MEGF10: variants seen among roughly 807,000 people sequenced by gnomAD.
The protein encoded by MEGF10 is multiple epidermal growth factor-like domains protein 10.
In MEGF10, 86 loss-of-function variants were observed where a neutral mutation model predicts 147.5. The observed-to-expected ratio is 0.58, with a 90% CI of 0.49 to 0.70. MEGF10 has a LOEUF of 0.70. Ranked by LOEUF, MEGF10 falls within the 30% of genes least tolerant of loss-of-function variation. The probability of loss-of-function intolerance (pLI) is 0.00; values close to 1 mark genes in which losing one functional copy is unlikely to be tolerated. For missense variants in MEGF10, 1,329 were observed against 1,487.3 expected (o/e 0.89, Z 1.75); for synonymous variants, 478 against 525.5 (o/e 0.91, Z 1.24).
chr5:127,451,076 G>A (rs1161926331), intron 22 of MEGF10, among the ~76,000 whole-genome samples: 4 of 152,184 alleles, frequency 2.6e-5, no homozygotes, highest in Non-Finnish European at 1.5e-5. Flanking sequence ...TAAATTGGAT[G>A]ATCCTCCTGG....
At chr5:127,448,591 A>G (rs1024894026) in intron 21 of MEGF10, among the ~76,000 whole-genome samples, 7 of 152,348 alleles carry the variant, frequency 4.6e-5, no homozygotes, top group Non-Finnish European at 8.8e-5. Context: ...ATAGATTTTA[A>G]TTATAGTGCT....
At chr5:127,319,239 C>G (rs1327162585) in intron 1 of MEGF10, among the ~76,000 whole-genome samples, 1 of 152,024 alleles carries the variant, frequency 6.6e-6, no homozygotes, top group African/African-American at 2.4e-5. Context: ...CCATGCCTGG[C>G]TAATTTTTGT....
At position 127,371,122 on chromosome 5, in the gene MEGF10, T is replaced by C. The variant is rs553147536; in HGVS notation, c.412+1120T>C. Among the ~76,000 whole-genome samples, 14 of 152,078 alleles carry C rather than the reference T, an allele frequency of 9.2e-5. 2 individuals carry two copies. In the East Asian group the frequency reaches 1.9e-3, roughly 21 times the overall value. The stretch of plus-strand genomic sequence containing the variant: ...AAGCAGCTTCTCCAGGGGAAGCCCT[T>C]GTGCTGTCTGTGCACAGAACACTTG... On this transcript the variant is annotated intron_variant, in intron 5 of 24. Coordinates refer to ENST00000503335, the MANE Select transcript of MEGF10 (RefSeq NM_001256545.2).
intron 5 of MEGF10, among the ~76,000 whole-genome samples, chr5:127,394,719 A>G (rs1763833366): frequency 6.6e-6 from 1 of 152,192 alleles, no homozygotes; most frequent in South Asian, 2.1e-4. Flanking sequence ...TATGAATAAC[A>G]ATTAGGCTTC....
At chr5:127,334,727 C>A (rs1399775071) in intron 2 of MEGF10, among the ~76,000 whole-genome samples, 3 of 152,010 alleles carry the variant, frequency 2.0e-5, no homozygotes. Flanking sequence ...TGAATTTGAG[C>A]TTTTCCATTC....
intron 5 of MEGF10, among the ~76,000 whole-genome samples, chr5:127,395,293 C>A (rs530374269): frequency 6.6e-6 from 1 of 152,082 alleles, no homozygotes; most frequent in Non-Finnish European, 1.5e-5. Flanking sequence ...TGTATTGCAG[C>A]CGCTCTTTCT....
At chr5:127,293,038 T>A (rs558850635) in intron 1 of MEGF10, among the ~76,000 whole-genome samples, 1 of 152,256 alleles carries the variant, frequency 6.6e-6, no homozygotes, top group South Asian at 2.1e-4. Context: ...TTGAACAAAA[T>A]ATTCCCTATG....
chr5:127,352,491 G>A (rs943099516), intron 4 of MEGF10, among the ~76,000 whole-genome samples: 12 of 152,114 alleles, frequency 7.9e-5, no homozygotes, highest in African/African-American at 2.7e-4. Flanking sequence ...GCGAAACCTC[G>A]TCTTTACTAA....
chr5:127,444,200 A>G (rs1765856945), intron 19 of MEGF10, among the ~76,000 whole-genome samples: 1 of 152,242 alleles, frequency 6.6e-6, no homozygotes, highest in African/African-American at 2.4e-5. Context: ...GGCAATAAGC[A>G]GTTGGGCTAT....
In MEGF10 at chr5:127,457,784, G is replaced by C. The variant is rs1766420982; in HGVS notation, c.*466G>C. On this transcript the variant is annotated 3_prime_UTR_variant, in exon 25 of 25. Coordinates refer to ENST00000503335, the MANE Select transcript of MEGF10 (RefSeq NM_001256545.2). ...ACATGTAGAAGACAAGGAACATATTGTTAACTCCTGATTCTTAACTTTATT... is the reference window on the plus strand; with the variant it reads ...ACATGTAGAAGACAAGGAACATATTCTTAACTCCTGATTCTTAACTTTATT... 6.4e-6 allele frequency: 1 copy of C among 155,884 alleles called. No homozygotes were observed. The highest frequency in any genetic ancestry group is 2.4e-5 in the African/African-American group (1 of 41,466). The allele number at this position is 155,884 out of a possible 1,614,324, so 9.7% of individuals were successfully genotyped here.
chr5:127,289,882 A>G (rs1659356839), upstream of MEGF10, among the ~76,000 whole-genome samples: 1 of 151,900 alleles, frequency 6.6e-6, no homozygotes, highest in Admixed American at 6.6e-5. Flanking sequence ...TTGTGGGGAG[A>G]GGGGGATAGA....
intron 1 of MEGF10, among the ~76,000 whole-genome samples, chr5:127,304,838 G>A (rs1391376312): frequency 1.3e-5 from 2 of 152,140 alleles, no homozygotes; most frequent in South Asian, 2.1e-4. Context: ...ATGCCTCGAA[G>A]CTTGTGGAAA....
intron 4 of MEGF10, among the ~76,000 whole-genome samples, chr5:127,343,178 TTAAC>T (rs1357136648): frequency 6.6e-6 from 1 of 152,220 alleles, no homozygotes; most frequent in Non-Finnish European, 1.5e-5. Flanking sequence ...GTCACCTTTC[TTAAC>T]TGTTTCCAGT....
At chr5:127,258,546 A>G in the MEGF10 span, among the ~76,000 whole-genome samples, 1 of 152,174 alleles carries the variant, frequency 6.6e-6, no homozygotes, top group East Asian at 1.9e-4. Context: ...AAATTTATAG[A>G]CATTTCTCTG....
At chr5:127,316,844 G>C (rs1401773497) in intron 1 of MEGF10, among the ~76,000 whole-genome samples, 1 of 152,150 alleles carries the variant, frequency 6.6e-6, no homozygotes, top group East Asian at 1.9e-4. Context: ...GGATGTTTCA[G>C]GGTGTTACAG....
At chr5:127,354,654 A>G (rs1762211059) in intron 4 of MEGF10, among the ~76,000 whole-genome samples, 1 of 152,178 alleles carries the variant, frequency 6.6e-6, no homozygotes. Flanking sequence ...TGGAGATAGC[A>G]ACCGAGGCTC....
chr5:127,329,934 T>C (rs1431025650), intron 1 of MEGF10, among the ~76,000 whole-genome samples: 1 of 152,212 alleles, frequency 6.6e-6, no homozygotes, highest in African/African-American at 2.4e-5. Context: ...GCGCAGGTCC[T>C]AGCATATCGT....
At position 127,303,335 on chromosome 5, in the gene MEGF10, C is replaced by CAAAAAAAAAAAAAA. The variant is rs1174955274; in HGVS notation, c.-19+12286_-19+12299dup. 1.2e-4 allele frequency among the ~76,000 whole-genome samples: 6 copies of CAAAAAAAAAAAAAA among 50,630 alleles called. 1 individual carries two copies. Among genetic ancestry groups the CAAAAAAAAAAAAAA allele is most frequent in the Non-Finnish European group, 1.9e-4 (4 of 21,216 alleles). 33.2% of individuals were successfully genotyped at this position (50,630 alleles called of 152,430 possible). A position where few individuals can be genotyped will look rare whatever the true frequency, so the allele number is the denominator to read the frequency against. On this transcript the variant is annotated intron_variant, in intron 1 of 24. Transcript: ENST00000503335. ...TGGACAACAGATCGAGACTCCATGT[C>CAAAAAAAAAAAAAA]AAAAAAAAAAAAAAAAAAAAGCAAT...
chr5:127,309,826 C>T (rs1404832537), intron 1 of MEGF10, among the ~76,000 whole-genome samples: 1 of 151,982 alleles, frequency 6.6e-6, no homozygotes, highest in Non-Finnish European at 1.5e-5. Flanking sequence ...GGAATTGCTG[C>T]AACATATGGT....
Sources: gnomAD v4.1 joint callset for allele counts (sites outside exome capture counted in the v4.1 genomes callset) on GRCh38, gnomAD v4.1.1 for gene constraint, MANE v1.5 for transcripts, NCBI Gene and HGNC (gene_info 2026-07-23, HGNC 2026-07-21) for gene names.